Variants in VAV3 observed in about 807,000 individuals in gnomAD.
The protein encoded by VAV3 is guanine nucleotide exchange factor VAV3.
A neutral mutation model predicts 131.2 loss-of-function variants in VAV3; 94 were observed. The ratio of observed to expected loss-of-function variants is 0.72; its 90% CI spans 0.61 to 0.85. The LOEUF is 0.85. VAV3 is among the 40% of genes least tolerant of loss of function. VAV3 has a pLI of 0.00. For missense variants in VAV3, 939 were observed against 1,002.7 expected (o/e 0.94, Z 0.86); for synonymous variants, 349 against 342.0 (o/e 1.02, Z -0.22).
intron 25 of VAV3, among the ~76,000 whole-genome samples, chr1:107,580,496 G>T (rs1649967473): frequency 6.6e-6 from 1 of 152,044 alleles, no homozygotes; most frequent in Non-Finnish European, 1.5e-5. Flanking sequence ...TATGCCTGAG[G>T]AATCTTCTTA....
chr1:107,674,385 T>C (rs1658044028), intron 19 of VAV3, among the ~76,000 whole-genome samples: 1 of 152,166 alleles, frequency 6.6e-6, no homozygotes, highest in South Asian at 2.1e-4. Context: ...TGAAATACTG[T>C]AGCAATTTCA....
At chr1:107,696,635 A>G (rs149436413) in intron 17 of VAV3, among the ~76,000 whole-genome samples, 207 of 152,294 alleles carry the variant, frequency 1.4e-3, no homozygotes, top group African/African-American at 4.5e-3. Context: ...AGTATGGGTG[A>G]ATTTCAAACC....
At chr1:107,634,741 T>C (rs977877845) in intron 20 of VAV3, among the ~76,000 whole-genome samples, 1 of 150,476 alleles carries the variant, frequency 6.6e-6, no homozygotes, top group African/African-American at 2.4e-5. Flanking sequence ...AGGGCTAATA[T>C]CCAGAATCTA....
chr1:107,606,933 T>C (rs759453934), intron 22 of VAV3, among the ~76,000 whole-genome samples: 20 of 144,284 alleles, frequency 1.4e-4, no homozygotes, highest in Non-Finnish European at 2.8e-4. Context: ...AGCACCAAAA[T>C]AGGTCCACTG....
At chr1:107,916,582 GA>G (rs1375477791) in intron 1 of VAV3, among the ~76,000 whole-genome samples, 1 of 152,004 alleles carries the variant, frequency 6.6e-6, no homozygotes, top group Non-Finnish European at 1.5e-5. Flanking sequence ...TTTGTACAGG[GA>G]AAAAATTTTA....
intron 1 of VAV3, among the ~76,000 whole-genome samples, chr1:107,957,453 T>A (rs143116427): frequency 6.6e-6 from 1 of 152,082 alleles, no homozygotes; most frequent in Non-Finnish European, 1.5e-5. Flanking sequence ...GCCACTGTAA[T>A]TATAGAGGCA....
chr1:107,726,652 T>C (rs754142425), intron 15 of VAV3, among the ~76,000 whole-genome samples: 3 of 152,232 alleles, frequency 2.0e-5, no homozygotes, highest in Non-Finnish European at 4.4e-5. Flanking sequence ...CTTTGCAAGA[T>C]ACGATATGTT....
intron 2 of VAV3, among the ~76,000 whole-genome samples, chr1:107,784,324 A>C (rs76779493): frequency 6.6e-6 from 1 of 152,062 alleles, no homozygotes; most frequent in African/African-American, 2.4e-5. Flanking sequence ...GTATACATCT[A>C]CTTTATTCAT....
At chr1:107,587,897 CCA>C (rs1422280034) in intron 25 of VAV3, among the ~76,000 whole-genome samples, 1 of 151,980 alleles carries the variant, frequency 6.6e-6, no homozygotes, top group East Asian at 1.9e-4. Context: ...CTGGCCGAGA[CCA>C]GTTTTCAATT....
intron 16 of VAV3, 63 bp downstream of exon 16, chr1:107,704,897 T>A: frequency 2.7e-6 from 4 of 1,498,726 alleles, no homozygotes; most frequent in Non-Finnish European, 3.7e-6. Flanking sequence ...GTTAGAAAAG[T>A]CTGAAACACT....
At chr1:107,952,468 T>TTATATATATA (rs1161088981) in intron 1 of VAV3, among the ~76,000 whole-genome samples, 5,303 of 118,724 alleles carry the variant, frequency 0.045, 200 homozygotes, top group East Asian at 0.059. Flanking sequence ...TAACAAAACT[T>TTATATATATA]TATATATATA....
chr1:107,770,015 C>G (rs996739332), intron 6 of VAV3, among the ~76,000 whole-genome samples: 1 of 152,208 alleles, frequency 6.6e-6, no homozygotes, highest in Non-Finnish European at 1.5e-5. Flanking sequence ...CTTCTGCTCA[C>G]AACCCTTCCC....
intron 19 of VAV3, among the ~76,000 whole-genome samples, chr1:107,648,782 T>C (rs1655930209): frequency 6.6e-6 from 1 of 152,076 alleles, no homozygotes; most frequent in African/African-American, 2.4e-5. Flanking sequence ...TTATAGACTC[T>C]TAGTTCAGGC....
chr1:107,823,293 G>T (rs907532713), intron 2 of VAV3, among the ~76,000 whole-genome samples: 2 of 152,144 alleles, frequency 1.3e-5, no homozygotes, highest in African/African-American at 2.4e-5. Flanking sequence ...AATGAAGGAT[G>T]GGGAAGAAGC....
chr1:107,639,752 T>C (rs901506148), intron 20 of VAV3, among the ~76,000 whole-genome samples: 13 of 152,166 alleles, frequency 8.5e-5, no homozygotes, highest in Non-Finnish European at 1.8e-4. Context: ...GAGAATAGCC[T>C]GGGCAACTTA....
At chr1:107,925,780 G>A (rs1417533019) in intron 1 of VAV3, among the ~76,000 whole-genome samples, 1 of 151,458 alleles carries the variant, frequency 6.6e-6, no homozygotes, top group African/African-American at 2.4e-5. Context: ...CAACAATGTG[G>A]ACACATACTT....
At chr1:107,654,326 T>C (rs1194782581) in intron 19 of VAV3, among the ~76,000 whole-genome samples, 1 of 152,024 alleles carries the variant, frequency 6.6e-6, no homozygotes, top group Non-Finnish European at 1.5e-5. Flanking sequence ...CTTTAGATTA[T>C]TGTAGGAATT....
chr1:107,910,196 G>C (rs901227849), intron 1 of VAV3, among the ~76,000 whole-genome samples: 5 of 152,146 alleles, frequency 3.3e-5, no homozygotes, highest in Non-Finnish European at 7.4e-5. Context: ...TTGTATCCAG[G>C]CCTATCTAAT....
At chr1:107,743,692 C>T (rs1248410943) in intron 15 of VAV3, among the ~76,000 whole-genome samples, 1 of 152,070 alleles carries the variant, frequency 6.6e-6, no homozygotes, top group Non-Finnish European at 1.5e-5. Context: ...TTCAAAATAT[C>T]TGAGCAATAT....
Sources: allele counts gnomAD v4.1 joint callset (sites outside exome capture counted in the v4.1 genomes callset), GRCh38; gene constraint gnomAD v4.1.1; transcripts MANE v1.5; gene names NCBI Gene and HGNC (gene_info 2026-07-23, HGNC 2026-07-21).